The following VRK1 variants were observed in gnomAD, a reference collection of about 807,000 sequenced individuals.
VRK1 encodes serine/threonine-protein kinase VRK1.
A neutral mutation model predicts 57.1 loss-of-function variants in VRK1; 33 were observed. The observed-to-expected ratio is 0.58, with a 90% CI of 0.44 to 0.77. VRK1 has a LOEUF of 0.77. VRK1 is among the 30% of genes least tolerant of loss of function. The probability of loss-of-function intolerance (pLI) is 0.00; values close to 1 mark genes in which losing one functional copy is unlikely to be tolerated. For missense variants in VRK1, 413 were observed against 477.3 expected (o/e 0.87, Z 1.25); for synonymous variants, 137 against 147.8 (o/e 0.93, Z 0.53).
At chr14:96,834,729 C>A (rs892766529) in intron 2 of VRK1, among the ~76,000 whole-genome samples, 8 of 152,226 alleles carry the variant, frequency 5.3e-5, no homozygotes, top group South Asian at 2.1e-4. Context: ...TATGTTGATT[C>A]TCTGGTTTTG....
chr14:96,856,359 A>G, intron 9 of VRK1, 109 bp downstream of exon 9: 1 of 1,436,082 alleles, frequency 7.0e-7, no homozygotes, highest in East Asian at 2.3e-5. Flanking sequence ...TATAGAAATA[A>G]GAAAGTACTT....
intron 10 of VRK1, among the ~76,000 whole-genome samples, chr14:96,858,693 G>T (rs150313585): frequency 6.6e-6 from 1 of 152,136 alleles, no homozygotes; most frequent in Non-Finnish European, 1.5e-5. Flanking sequence ...AAGTGTGGAT[G>T]TGTGGATCTG....
At chr14:96,863,928 C>G (rs1888482427) in intron 11 of VRK1, among the ~76,000 whole-genome samples, 1 of 152,164 alleles carries the variant, frequency 6.6e-6, no homozygotes, top group Admixed American at 6.5e-5. Flanking sequence ...GAAGGGATTG[C>G]ACCTCGTACA....
chr14:96,814,332 A>G (rs1428058414), intron 1 of VRK1, among the ~76,000 whole-genome samples: 3 of 152,162 alleles, frequency 2.0e-5, no homozygotes, highest in Admixed American at 6.5e-5. Context: ...TTATTTTTCT[A>G]TGTTGTCAAT....
At chr14:96,829,697 A>G (rs904217946) in intron 1 of VRK1, among the ~76,000 whole-genome samples, 3 of 152,162 alleles carry the variant, frequency 2.0e-5, no homozygotes, top group African/African-American at 7.2e-5. Flanking sequence ...GTATCACAAT[A>G]TGATTTCTGG....
intron 1 of VRK1, among the ~76,000 whole-genome samples, chr14:96,832,591 A>G (rs1210369759): frequency 6.6e-6 from 1 of 152,168 alleles, no homozygotes; most frequent in African/African-American, 2.4e-5. Context: ...CATACCTGCA[A>G]TCCAGGTCTT....
At chr14:96,854,091 G>T (rs1419472659) in intron 7 of VRK1, among the ~76,000 whole-genome samples, 1 of 152,052 alleles carries the variant, frequency 6.6e-6, no homozygotes, top group Non-Finnish European at 1.5e-5. Context: ...AAGTATAAAA[G>T]AAGAAAGTTA....
chr14:96,803,277 T>C (rs1742964504), intron 1 of VRK1, among the ~76,000 whole-genome samples: 1 of 151,662 alleles, frequency 6.6e-6, no homozygotes, highest in African/African-American at 2.4e-5. Flanking sequence ...GGTCAAGCGA[T>C]TCTCTTGCCT....
At chr14:96,832,697 A>G (rs551599981) in intron 1 of VRK1, among the ~76,000 whole-genome samples, 25 of 152,214 alleles carry the variant, frequency 1.6e-4, no homozygotes, top group Non-Finnish European at 3.1e-4. Flanking sequence ...ATCAAGATTC[A>G]TCTCCTAAAG....
At chr14:96,872,559 C>T (rs1888865270) in intron 11 of VRK1, among the ~76,000 whole-genome samples, 1 of 152,194 alleles carries the variant, frequency 6.6e-6, no homozygotes, top group Non-Finnish European at 1.5e-5. Flanking sequence ...GAAACTGCTG[C>T]TTCCTACTGA....
chr14:96,819,662 T>A (rs1172167564), intron 1 of VRK1, among the ~76,000 whole-genome samples: 1 of 152,194 alleles, frequency 6.6e-6, no homozygotes, highest in East Asian at 1.9e-4. Context: ...ATTCCTGTAG[T>A]GTAAAAATCC....
intron 1 of VRK1, among the ~76,000 whole-genome samples, chr14:96,826,049 TA>T (rs202218050): frequency 4.6e-5 from 7 of 151,704 alleles, no homozygotes; most frequent in African/African-American, 1.7e-4. Context: ...AGCAGAAGGT[TA>T]AAAAAAAATT....
rs566880475 is a variant in VRK1, at chr14:96,871,429, A to G, written c.1069-4601A>G. On this transcript the variant is annotated intron_variant, in intron 11 of 12. Transcript: ENST00000216639. ...CATTTACATATGGATTGATACTTCA[A>G]TGAATGAATTTCCATGTTAGTGGGA... Among the ~76,000 whole-genome samples the G allele has an allele frequency of 1.4e-4, 21 of 152,358 alleles. 1 individual carries two copies. Among genetic ancestry groups the G allele is most frequent in the Admixed American group, 5.2e-4 (8 of 15,302 alleles).
intron 1 of VRK1, among the ~76,000 whole-genome samples, chr14:96,804,703 C>T (rs1885801278): frequency 6.6e-6 from 1 of 152,150 alleles, no homozygotes; most frequent in African/African-American, 2.4e-5. Flanking sequence ...GTTTTAGGAC[C>T]ATTTGTGGCA....
chr14:96,879,843 C>A (rs967994031), intron 12 of VRK1, among the ~76,000 whole-genome samples: 2 of 151,718 alleles, frequency 1.3e-5, no homozygotes, highest in Non-Finnish European at 2.9e-5. Context: ...GCAGGAGAAT[C>A]ACTTGAACCC....
chr14:96,813,762 A>G (rs1272807461), intron 1 of VRK1, among the ~76,000 whole-genome samples: 1 of 152,070 alleles, frequency 6.6e-6, no homozygotes, highest in African/African-American at 2.4e-5. Context: ...ATATTTTTCC[A>G]CCTTAAGACT....
intron 1 of VRK1, among the ~76,000 whole-genome samples, chr14:96,823,907 C>T (rs968315207): frequency 2.6e-5 from 4 of 152,158 alleles, no homozygotes; most frequent in African/African-American, 9.7e-5. Flanking sequence ...ATACATGCCA[C>T]ATTTATTCAT....
chr14:96,804,912 TC>T (rs1179186486), intron 1 of VRK1, among the ~76,000 whole-genome samples: 1 of 152,226 alleles, frequency 6.6e-6, no homozygotes, highest in Admixed American at 6.5e-5. Context: ...CAGCAGGACT[TC>T]CAAACTGTTT....
In VRK1 at chr14:96,805,076, C is replaced by T. The variant is rs568551691; in HGVS notation, c.-6+7629C>T. On this transcript the variant is annotated intron_variant, in intron 1 of 12. Coordinates refer to ENST00000216639, the MANE Select transcript of VRK1 (RefSeq NM_003384.3). ...ATAAAAACATGAAGAGTTCATAAAT[C>T]GGTCCAATGAGGAAAAGTTAATGGG... 5.5e-4 allele frequency among the ~76,000 whole-genome samples: 84 copies of T among 152,260 alleles called. 2 individuals carry two copies. The South Asian group carries it at 0.013, about 23-fold the overall frequency.
Sources: allele counts gnomAD v4.1 joint callset (sites outside exome capture counted in the v4.1 genomes callset), GRCh38; gene constraint gnomAD v4.1.1; transcripts MANE v1.5; gene names NCBI Gene and HGNC (gene_info 2026-07-23, HGNC 2026-07-21).